Variants in GTSE1 observed in about 807,000 individuals in gnomAD.
GTSE1 encodes the protein G2 and S-phase expressed 1, also known as G2 and S phase-expressed protein 1.
Under a neutral mutation model 60.5 loss-of-function variants are expected in GTSE1, and 52 were observed. The observed-to-expected ratio is 0.86, with a 90% CI of 0.69 to 1.08. GTSE1 has a LOEUF of 1.08. Ranked by LOEUF, GTSE1 falls within the 50% of genes least tolerant of loss-of-function variation. The probability of loss-of-function intolerance (pLI) is 0.00; values close to 1 mark genes in which losing one functional copy is unlikely to be tolerated. For missense variants in GTSE1, 937 were observed against 961.8 expected (o/e 0.97, Z 0.34); for synonymous variants, 368 against 386.5 (o/e 0.95, Z 0.56).
In GTSE1 at chr22:46,318,777, G is replaced by A. The variant is rs1025388141; in HGVS notation, c.1432+2365G>A. Among the ~76,000 whole-genome samples, 21 of 152,094 alleles carry A rather than the reference G, an allele frequency of 1.4e-4. No homozygotes were observed. Among genetic ancestry groups the A allele is most frequent in the Admixed American group, 1.2e-3 (19 of 15,264 alleles). ...GGGTGGGAGTGCAGCCGCTGCGGTC[G>A]GGATTCTGCGTAGACGTGCGACAGC... On this transcript the variant is annotated intron_variant, in intron 7 of 11. Coordinates refer to ENST00000454366, the MANE Select transcript of GTSE1 (RefSeq NM_016426.7). This position sits in a 1 kb window ranked among gnomAD's most constrained non-coding sequence, Gnocchi z 4.8.
intron 8 of GTSE1, among the ~76,000 whole-genome samples, chr22:46,323,561 C>G (rs1022073229): frequency 6.6e-6 from 1 of 152,324 alleles, no homozygotes; most frequent in Admixed American, 6.5e-5. Flanking sequence ...CGTGCCCAGC[C>G]CACCCCAGGG....
chr22:46,297,464 G>A lies in GTSE1; in HGVS notation c.64G>A (p.Asp22Asn). 5 of 1,612,634 alleles carry A rather than the reference G, an allele frequency of 3.1e-6. No homozygotes were observed. Among genetic ancestry groups the A allele is most frequent in the Non-Finnish European group, 4.2e-6 (5 of 1,178,658 alleles). Residue 22 changes from aspartate (D) to asparagine (N), a missense_variant, in exon 2 of 12, where the codon GAC becomes AAC. By Grantham distance (23) the Asp-to-Asn change is conservative. Coordinates refer to ENST00000454366, the MANE Select transcript of GTSE1 (RefSeq NM_016426.7). This position sits in a 1 kb window ranked among gnomAD's most constrained non-coding sequence, Gnocchi z 4.9. ...ACRAGDVNMD[D>N]PKKEDILLLA... ...CCGGGCAGGGGACGTGAACATGGAT[G>A]ACCCTAAGAAGGAAGGCAAGTCCTT...
chr22:46,309,524 G>A lies in GTSE1; in HGVS notation c.762+581G>A, dbSNP rs987294817. Among the ~76,000 whole-genome samples, 8 of 152,188 alleles carry A rather than the reference G, an allele frequency of 5.3e-5. No homozygotes were observed. Among genetic ancestry groups the A allele is most frequent in the African/African-American group, 9.6e-5 (4 of 41,518 alleles). On this transcript the variant is annotated intron_variant, in intron 4 of 11. Transcript: ENST00000454366. This position sits in a 1 kb window ranked among gnomAD's most constrained non-coding sequence, Gnocchi z 6.2. ...GGAAGACGGGGCGGGTGGGAGCCCC[G>A]GGGCCCACCCTGCAGCCCGTTCCCA...
At position 46,321,658 on chromosome 22, in the gene GTSE1, G is replaced by T. The variant is rs556969088; in HGVS notation, c.1433-1532G>T. Among the ~76,000 whole-genome samples the T allele has an allele frequency of 1.3e-5, 2 of 152,328 alleles. No individual in the cohort carries two copies. Among genetic ancestry groups the T allele is most frequent in the East Asian group, 3.9e-4 (2 of 5,186 alleles). On this transcript the variant is annotated intron_variant, in intron 7 of 11. Coordinates refer to ENST00000454366, the MANE Select transcript of GTSE1 (RefSeq NM_016426.7). This position sits in a 1 kb window ranked among gnomAD's most constrained non-coding sequence, Gnocchi z 4.0. ...TTAGAAATGAGTGAAGGGAGACATC[G>T]CAAGAAGCTTCCAGCACGCTGGAAG...
chr22:46,307,348 T>C (rs1358874244), intron 2 of GTSE1, among the ~76,000 whole-genome samples: 4 of 152,210 alleles, frequency 2.6e-5, no homozygotes, highest in Non-Finnish European at 5.9e-5. Flanking sequence ...CTAGGGGAGC[T>C]GAGGAAGGTG....
At chr22:46,301,103 T>C (rs1381836404) in intron 2 of GTSE1, among the ~76,000 whole-genome samples, 1 of 152,236 alleles carries the variant, frequency 6.6e-6, no homozygotes, top group African/African-American at 2.4e-5. Flanking sequence ...TTTGTACCTA[T>C]ATAGGGTTCC....
intron 2 of GTSE1, among the ~76,000 whole-genome samples, chr22:46,307,193 C>T (rs913271358): frequency 6.6e-5 from 10 of 152,322 alleles, no homozygotes; most frequent in African/African-American, 2.4e-4. Flanking sequence ...AGAGTAATTT[C>T]ATCTGAGGAT....
chr22:46,320,433 G>A lies in GTSE1; in HGVS notation c.1433-2757G>A, dbSNP rs2077806081. On this transcript the variant is annotated intron_variant, in intron 7 of 11. Transcript: ENST00000454366. The surrounding 1 kb of genome is among the most constrained non-coding windows in gnomAD (Gnocchi z 7.1). ...ACTGGCCGGAAGAGAGGCCCCAGGG[G>A]AGCAGCCACGCTGTTGGGAACACAC... 6.6e-6 allele frequency among the ~76,000 whole-genome samples: 1 copy of A among 152,196 alleles called. No individual in the cohort carries two copies. Among genetic ancestry groups the A allele is most frequent in the African/African-American group, 2.4e-5 (1 of 41,446 alleles).
chr22:46,307,456 G>A (rs560748864), intron 2 of GTSE1, among the ~76,000 whole-genome samples: 2 of 152,206 alleles, frequency 1.3e-5, no homozygotes, highest in African/African-American at 4.8e-5. Context: ...TATCTTAAAA[G>A]TAAGGACCTA....
chr22:46,325,462 C>T (rs945798518), intron 8 of GTSE1, among the ~76,000 whole-genome samples: 1 of 152,110 alleles, frequency 6.6e-6, no homozygotes, highest in South Asian at 2.1e-4. Context: ...TCCCAAAGTG[C>T]TGGGATTACA....
intron 2 of GTSE1, among the ~76,000 whole-genome samples, chr22:46,298,378 GC>G (rs2077669680): frequency 6.7e-6 from 1 of 149,842 alleles, no homozygotes; most frequent in South Asian, 2.1e-4. Context: ...CATGATCTTG[GC>G]TCACTGCAAC....
chr22:46,307,219 A>G (rs981244975), intron 2 of GTSE1, among the ~76,000 whole-genome samples: 5 of 152,246 alleles, frequency 3.3e-5, no homozygotes, highest in Non-Finnish European at 7.3e-5. Context: ...AAGGACTCCA[A>G]GAAGCAATGG....
chr22:46,302,222 T>C (rs1345215997), intron 2 of GTSE1, among the ~76,000 whole-genome samples: 1 of 152,226 alleles, frequency 6.6e-6, no homozygotes, highest in South Asian at 2.1e-4. Context: ...ATTAGATTAT[T>C]AATTTTTTAT....
At position 46,314,060 on chromosome 22, in the gene GTSE1, G is replaced by T. The variant is rs796549897; in HGVS notation, c.1051+47G>T. On this transcript the variant is annotated intron_variant, in intron 6 of 11. Transcript: ENST00000454366. The surrounding 1 kb of genome is among the most constrained non-coding windows in gnomAD (Gnocchi z 7.1). ...TTGGACCCACATCTGGCCAGGTGAG[G>T]CCTGGAGTGCTGCTCAGGCCTTGGA... The T allele has an allele frequency of 5.0e-6, 8 of 1,607,084 alleles. No homozygotes were observed. Among genetic ancestry groups the T allele is most frequent in the South Asian group, 4.4e-5 (4 of 90,974 alleles).
chr22:46,312,567 A>G (rs1380431613), intron 5 of GTSE1, among the ~76,000 whole-genome samples: 2 of 149,148 alleles, frequency 1.3e-5, no homozygotes, highest in Non-Finnish European at 3.0e-5. Flanking sequence ...TGAGCCCAGG[A>G]GGTCGAGGCT....
At chr22:46,326,324 C>T (rs1186498482) in intron 8 of GTSE1, 112 bp from the exon 9 acceptor site, 2 of 862,432 alleles carry the variant, frequency 2.3e-6, no homozygotes, top group East Asian at 5.8e-5. Flanking sequence ...CCTGGCTTGG[C>T]TCTTCTGGGC....
At chr22:46,328,934 G>A (rs2077860200) in intron 10 of GTSE1, 45 bp downstream of exon 10, 3 of 1,482,214 alleles carry the variant, frequency 2.0e-6, no homozygotes, top group South Asian at 1.1e-5. Flanking sequence ...TGAGATTCCT[G>A]GAGGCTGCTC....
chr22:46,307,265 C>T (rs1431704024), intron 2 of GTSE1, among the ~76,000 whole-genome samples: 1 of 152,172 alleles, frequency 6.6e-6, no homozygotes, highest in Non-Finnish European at 1.5e-5. Flanking sequence ...CTACTCCGTG[C>T]ATTTGAGTAA....
At position 46,304,445 on chromosome 22, in the gene GTSE1, A is replaced by G. The variant is rs1038492651; in HGVS notation, c.80-3705A>G. On this transcript the variant is annotated intron_variant, in intron 2 of 11. Transcript: ENST00000454366. This position sits in a 1 kb window ranked among gnomAD's most constrained non-coding sequence, Gnocchi z 4.4. Reference sequence around the variant, plus strand: ...GAGATGGGGATTTCCTTATATATCTATTACTTTTTATTAAGAGCCTCTAAA... The same window carrying G: ...GAGATGGGGATTTCCTTATATATCTGTTACTTTTTATTAAGAGCCTCTAAA... Among the ~76,000 whole-genome samples, 3 of 152,120 alleles carry G rather than the reference A, an allele frequency of 2.0e-5. No homozygotes were observed. Among genetic ancestry groups the G allele is most frequent in the South Asian group, 2.1e-4 (1 of 4,826 alleles).
Sources: gnomAD v4.1 joint callset for allele counts (sites outside exome capture counted in the v4.1 genomes callset) on GRCh38, gnomAD v4.1.1 for gene constraint, Gnocchi (gnomAD v3.1) non-coding constraint, MANE v1.5 for transcripts, NCBI Gene and HGNC (gene_info 2026-07-23, HGNC 2026-07-21) for gene names.